CDH9: variants seen among roughly 807,000 people sequenced by gnomAD.
CDH9 encodes the protein cadherin 9, also known as cadherin-9.
In CDH9, 28 loss-of-function variants were observed where a neutral mutation model predicts 70.9. The observed-to-expected ratio is 0.40, with a 90% CI of 0.29 to 0.54. The LOEUF is 0.54. Ranked by LOEUF, CDH9 falls within the 20% of genes least tolerant of loss-of-function variation. CDH9 has a pLI of 0.59. For synonymous variants in CDH9, 409 were observed against 343.1 expected, an observed-to-expected ratio of 1.19 and a Z score of -2.12; for missense variants, 874 against 984.4, an observed-to-expected ratio of 0.89 and a Z score of 1.50.
chr5:26,986,347 A>T (rs1341176076), intron 2 of CDH9, among the ~76,000 whole-genome samples: 1 of 152,116 alleles, frequency 6.6e-6, no homozygotes, highest in Non-Finnish European at 1.5e-5. Context: ...AATGAAAAAA[A>T]TATGAAAGGT....
In CDH9 at chr5:26,984,358, C is replaced by G. The variant is rs76345107; in HGVS notation, c.228+3748G>C. ...TGATATTCCAAATTACTAAATGAAT[C>G]TTCACAATTGTGAAAAATAAACACC... On this transcript the variant is annotated intron_variant, in intron 2 of 11. Coordinates refer to ENST00000231021, the MANE Select transcript of CDH9 (RefSeq NM_016279.4). 8.3e-3 allele frequency among the ~76,000 whole-genome samples: 1,256 copies of G among 152,162 alleles called. 21 individuals carry two copies. Among genetic ancestry groups the G allele is most frequent in the African/African-American group, 0.029 (1,198 of 41,548 alleles).
At chr5:27,037,162 T>C (rs1032537906) in intron 1 of CDH9, among the ~76,000 whole-genome samples, 1 of 151,918 alleles carries the variant, frequency 6.6e-6, no homozygotes, top group Non-Finnish European at 1.5e-5. Flanking sequence ...TGAAGATGGG[T>C]AACTCTTCCA....
At chr5:26,968,914 C>T (rs542218319) in intron 2 of CDH9, among the ~76,000 whole-genome samples, 15 of 152,270 alleles carry the variant, frequency 9.9e-5, no homozygotes, top group South Asian at 8.3e-4. Context: ...CAGTTGATCC[C>T]ATCTGTCCTC....
chr5:26,927,812 A>G (rs760216741), intron 2 of CDH9, among the ~76,000 whole-genome samples: 52 of 152,002 alleles, frequency 3.4e-4, no homozygotes, highest in Non-Finnish European at 5.3e-4. Flanking sequence ...AAATTCCTGG[A>G]CATCGAATTA....
chr5:26,964,827 C>T (rs909566379), intron 2 of CDH9, among the ~76,000 whole-genome samples: 3 of 149,244 alleles, frequency 2.0e-5, no homozygotes, highest in African/African-American at 7.4e-5. Flanking sequence ...AGTTTCCCCT[C>T]CCTGTGTCCA....
Position 27,038,558 on chromosome 5 carries a change from T to C in CDH9, c.-145A>G, listed in dbSNP as rs776860824. The C allele has an allele frequency of 2.0e-5, 3 of 152,078 alleles. No homozygotes were observed. The highest frequency in any genetic ancestry group is 4.4e-5 in the Non-Finnish European group (3 of 68,000). The allele number at this position is 152,078 out of a possible 1,614,324, so 9.4% of individuals were successfully genotyped here. On this transcript the variant is annotated 5_prime_UTR_variant, in exon 1 of 12. Coordinates refer to ENST00000231021, the MANE Select transcript of CDH9 (RefSeq NM_016279.4). ...CCTTCTCTTCCCTTTTTATAGTATCTTCACAGCTGAATCTTCATGCATCTC... is the reference window on the plus strand; with the variant it reads ...CCTTCTCTTCCCTTTTTATAGTATCCTCACAGCTGAATCTTCATGCATCTC...
chr5:27,004,410 CATG>C (rs1442320897), intron 1 of CDH9, among the ~76,000 whole-genome samples: 1 of 152,076 alleles, frequency 6.6e-6, no homozygotes, highest in African/African-American at 2.4e-5. Flanking sequence ...ATTTAATCTT[CATG>C]ATATCTAAAT....
intron 2 of CDH9, among the ~76,000 whole-genome samples, chr5:26,979,374 G>T (rs1742361106): frequency 6.6e-6 from 1 of 151,212 alleles, no homozygotes; most frequent in South Asian, 2.1e-4. Context: ...AAGAAGTATA[G>T]CCAAGAATAG....
At chr5:26,979,138 TA>T (rs1481529162) in intron 2 of CDH9, among the ~76,000 whole-genome samples, 1 of 151,594 alleles carries the variant, frequency 6.6e-6, no homozygotes, top group Non-Finnish European at 1.5e-5. Flanking sequence ...TTAAAATAAA[TA>T]ATGAATTGTT....
At chr5:26,927,927 C>T (rs1561198052) in intron 2 of CDH9, among the ~76,000 whole-genome samples, 1 of 152,024 alleles carries the variant, frequency 6.6e-6, no homozygotes, top group Non-Finnish European at 1.5e-5. Context: ...ACTGTTTACC[C>T]CTGCTCCTCA....
chr5:27,019,012 A>T (rs1231482240), intron 1 of CDH9, among the ~76,000 whole-genome samples: 7 of 152,018 alleles, frequency 4.6e-5, no homozygotes, highest in African/African-American at 1.7e-4. Flanking sequence ...ATGTCCTATT[A>T]TTAATAGTGC....
At chr5:26,934,717 A>G (rs994269866) in intron 2 of CDH9, among the ~76,000 whole-genome samples, 1 of 152,156 alleles carries the variant, frequency 6.6e-6, no homozygotes, top group African/African-American at 2.4e-5. Context: ...CATCAAGAGA[A>G]CTAGTCTATA....
intron 11 of CDH9, among the ~76,000 whole-genome samples, chr5:26,884,708 T>C (rs578262212): frequency 1.3e-5 from 2 of 152,188 alleles, no homozygotes; most frequent in Non-Finnish European, 2.9e-5. Flanking sequence ...TGAAAGGATT[T>C]GCAGAGAAAA....
chr5:26,909,284 T>TTTTATACTAA (rs1741006213), intron 3 of CDH9, among the ~76,000 whole-genome samples: 1 of 152,130 alleles, frequency 6.6e-6, no homozygotes, highest in Non-Finnish European at 1.5e-5. Flanking sequence ...TGCCCAGCCA[T>TTTTATACTAA]TTTATACTAA....
chr5:26,952,515 G>T (rs889653511), intron 2 of CDH9, among the ~76,000 whole-genome samples: 7 of 139,994 alleles, frequency 5.0e-5, no homozygotes, highest in African/African-American at 1.9e-4. Context: ...GGCGCCTGTG[G>T]TCCCAGCTAC....
intron 1 of CDH9, among the ~76,000 whole-genome samples, chr5:27,026,715 T>C (rs1446952386): frequency 3.3e-5 from 5 of 151,908 alleles, no homozygotes; most frequent in African/African-American, 7.2e-5. Context: ...TAGTAAATAC[T>C]ATAAATTTAA....
intron 11 of CDH9, among the ~76,000 whole-genome samples, chr5:26,882,730 G>C (rs555523283): frequency 1.3e-5 from 2 of 151,940 alleles, no homozygotes; most frequent in Admixed American, 1.3e-4. Context: ...GTTCTTAACT[G>C]TTTGTCAGTA....
intron 2 of CDH9, among the ~76,000 whole-genome samples, chr5:26,951,825 T>G (rs1741850207): frequency 6.6e-6 from 1 of 152,156 alleles, no homozygotes; most frequent in East Asian, 1.9e-4. Context: ...TAATCAGAGA[T>G]ATCCTCAGGT....
intron 2 of CDH9, among the ~76,000 whole-genome samples, chr5:26,972,741 GA>G (rs1444779978): frequency 7.2e-5 from 11 of 152,248 alleles, no homozygotes; most frequent in Admixed American, 2.6e-4. Context: ...GTCAAACACT[GA>G]AAAAAGTCCT....
Sources: allele counts gnomAD v4.1 joint callset (sites outside exome capture counted in the v4.1 genomes callset), GRCh38; gene constraint gnomAD v4.1.1; transcripts MANE v1.5; gene names NCBI Gene and HGNC (gene_info 2026-07-23, HGNC 2026-07-21).